Variants in NCALD observed in about 807,000 individuals in gnomAD.
NCALD encodes neurocalcin delta.
Under a neutral mutation model 18.6 loss-of-function variants are expected in NCALD, and 10 were observed. The ratio of observed to expected loss-of-function variants is 0.54; its 90% CI spans 0.33 to 0.91. NCALD has a LOEUF of 0.91. Among genes scored for constraint, NCALD ranks in the 40% least tolerant of loss-of-function variants. The pLI is 0.03. For missense variants in NCALD, 184 were observed against 247.6 expected, an observed-to-expected ratio of 0.74 and a Z score of 1.72; for synonymous variants, 88 against 87.4, an observed-to-expected ratio of 1.01 and a Z score of -0.04.
chr8:101,991,738 T>C (rs751873545), intron 2 of NCALD, among the ~76,000 whole-genome samples: 18 of 152,126 alleles, frequency 1.2e-4, no homozygotes, highest in Non-Finnish European at 1.8e-4. Flanking sequence ...TTGACAGTAG[T>C]AGAAAATAGA....
chr8:101,692,396 G>A, intron 3 of NCALD: 1 of 985,372 alleles, frequency 1.0e-6, no homozygotes, highest in Non-Finnish European at 1.2e-6. Flanking sequence ...GTCGGCATCT[G>A]GGTAGGATCA....
intron 2 of NCALD, among the ~76,000 whole-genome samples, chr8:101,976,839 G>T (rs1820440697): frequency 6.6e-6 from 1 of 152,126 alleles, no homozygotes; most frequent in Admixed American, 6.5e-5. Flanking sequence ...GAATCACAAA[G>T]TTTATTCTTA....
intron 4 of NCALD, among the ~76,000 whole-genome samples, chr8:101,833,472 A>G (rs563104666): frequency 6.6e-5 from 10 of 152,376 alleles, no homozygotes; most frequent in African/African-American, 2.4e-4. Context: ...AACACAGTTC[A>G]GCAGACTGTC....
chr8:102,018,524 T>A (rs889227933), intron 2 of NCALD, among the ~76,000 whole-genome samples: 3 of 151,976 alleles, frequency 2.0e-5, no homozygotes, highest in Non-Finnish European at 4.4e-5. Context: ...GCCATTTATA[T>A]ATTCTGGAAA....
At chr8:102,076,123 C>T in intron 1 of NCALD, among the ~76,000 whole-genome samples, 1 of 151,752 alleles carries the variant, frequency 6.6e-6, no homozygotes, top group East Asian at 1.9e-4. Context: ...TCTAAAAATA[C>T]ATATAAATAG....
At chr8:101,702,999 C>A (rs1391026185) in intron 2 of NCALD, among the ~76,000 whole-genome samples, 1 of 152,202 alleles carries the variant, frequency 6.6e-6, no homozygotes, top group Non-Finnish European at 1.5e-5. Flanking sequence ...ATCTATTTAA[C>A]CCAGGTTTTC....
intron 1 of NCALD, among the ~76,000 whole-genome samples, chr8:101,783,199 A>T (rs752436922): frequency 6.6e-6 from 1 of 152,172 alleles, no homozygotes; most frequent in Non-Finnish European, 1.5e-5. Flanking sequence ...AATGAATGAG[A>T]GTCTTCTTAA....
intron 1 of NCALD, among the ~76,000 whole-genome samples, chr8:102,114,632 G>C (rs1399214293): frequency 1.3e-5 from 2 of 152,184 alleles, no homozygotes; most frequent in Non-Finnish European, 2.9e-5. Context: ...CACACACCAA[G>C]CTGCAGCTTG....
intron 1 of NCALD, among the ~76,000 whole-genome samples, chr8:101,784,778 A>C (rs1425542912): frequency 1.3e-5 from 2 of 152,174 alleles, no homozygotes; most frequent in African/African-American, 2.4e-5. Context: ...CAGCCTGGGC[A>C]ACAGAGTGAG....
intron 2 of NCALD, among the ~76,000 whole-genome samples, chr8:101,934,961 C>A (rs1818707364): frequency 6.6e-6 from 1 of 152,022 alleles, no homozygotes; most frequent in Admixed American, 6.6e-5. Context: ...GTGGGGTAAG[C>A]TGGCTGGGAA....
At chr8:101,855,699 T>C (rs1376704341) in intron 4 of NCALD, among the ~76,000 whole-genome samples, 1 of 152,040 alleles carries the variant, frequency 6.6e-6, no homozygotes, top group African/African-American at 2.4e-5. Context: ...TACAAGTGCA[T>C]AGGTGGAAAA....
intron 1 of NCALD, among the ~76,000 whole-genome samples, chr8:102,118,387 C>A (rs1251200181): frequency 6.6e-6 from 1 of 152,250 alleles, no homozygotes; most frequent in Non-Finnish European, 1.5e-5. Context: ...TTACCCGCAC[C>A]TTTGTAAATA....
intron 1 of NCALD, among the ~76,000 whole-genome samples, chr8:102,118,138 G>C (rs1825844721): frequency 6.6e-6 from 1 of 152,166 alleles, no homozygotes; most frequent in African/African-American, 2.4e-5. Flanking sequence ...TGGCCAATTG[G>C]GAGGCACCAG....
chr8:101,886,914 G>A (rs1226386395), intron 4 of NCALD, among the ~76,000 whole-genome samples: 1 of 151,316 alleles, frequency 6.6e-6, no homozygotes, highest in Non-Finnish European at 1.5e-5. Flanking sequence ...CCAGAAAAGA[G>A]AGCAGGATTT....
At chr8:101,798,372 C>T (rs1376858732) in intron 4 of NCALD, among the ~76,000 whole-genome samples, 4 of 152,086 alleles carry the variant, frequency 2.6e-5, no homozygotes, top group Non-Finnish European at 4.4e-5. Context: ...TAGTAATGAA[C>T]ATGTAGAGAC....
intron 3 of NCALD, chr8:101,915,644 A>C (rs1586748372): frequency 1.3e-5 from 2 of 152,274 alleles, no homozygotes; most frequent in Admixed American, 6.5e-5. Flanking sequence ...CATTTCCATA[A>C]ATTTTTTAAA....
At chr8:101,953,737 C>G (rs1247530637) in intron 2 of NCALD, among the ~76,000 whole-genome samples, 1 of 152,250 alleles carries the variant, frequency 6.6e-6, no homozygotes, top group Admixed American at 6.5e-5. Flanking sequence ...TTAGAGGGCA[C>G]AGCCATCTCT....
At chr8:101,893,752 C>A (rs2131526677) in intron 3 of NCALD, among the ~76,000 whole-genome samples, 1 of 136,864 alleles carries the variant, frequency 7.3e-6, no homozygotes, top group East Asian at 2.0e-4. Context: ...CAACAAACAT[C>A]AAAAGAGACA....
chr8:101,894,752 A>G (rs1817083072), intron 3 of NCALD, among the ~76,000 whole-genome samples: 1 of 151,500 alleles, frequency 6.6e-6, no homozygotes, highest in African/African-American at 2.5e-5. Context: ...GAAATAAACT[A>G]GAAAATCTAG....
Sources: gnomAD v4.1 joint callset for allele counts (sites outside exome capture counted in the v4.1 genomes callset) on GRCh38, gnomAD v4.1.1 for gene constraint, MANE v1.5 for transcripts, NCBI Gene and HGNC (gene_info 2026-07-23, HGNC 2026-07-21) for gene names.